PLPP4: variants seen among roughly 807,000 people sequenced by gnomAD.
PLPP4 encodes diacylglycerol pyrophosphate like 2.
A neutral mutation model predicts 32.2 loss-of-function variants in PLPP4; 20 were observed. That is an observed-to-expected ratio of 0.62 (90% CI 0.44 to 0.90). PLPP4 has a LOEUF of 0.90. Among genes scored for constraint, PLPP4 ranks in the 40% least tolerant of loss-of-function variants. PLPP4 has a pLI of 0.00. For missense variants in PLPP4, 257 were observed against 353.1 expected (o/e 0.73, Z 2.18); for synonymous variants, 127 against 133.0 (o/e 0.95, Z 0.31).
chr10:120,500,421 C>T (rs1845187492), intron 1 of PLPP4, among the ~76,000 whole-genome samples: 1 of 152,154 alleles, frequency 6.6e-6, no homozygotes, highest in Admixed American at 6.5e-5. Flanking sequence ...CCATATCCCT[C>T]ATCCACCTGC....
intron 5 of PLPP4, among the ~76,000 whole-genome samples, chr10:120,549,168 C>A (rs1847770520): frequency 1.3e-5 from 2 of 150,008 alleles, no homozygotes; most frequent in South Asian, 2.1e-4. Flanking sequence ...AATAGAGAAC[C>A]CACACAAATT....
At chr10:120,462,580 C>G (rs1395184341) in intron 1 of PLPP4, among the ~76,000 whole-genome samples, 1 of 152,226 alleles carries the variant, frequency 6.6e-6, no homozygotes, top group Non-Finnish European at 1.5e-5. Flanking sequence ...CAAGCATGGT[C>G]GGTGCCTCCT....
intron 5 of PLPP4, among the ~76,000 whole-genome samples, chr10:120,563,260 A>G (rs1848517912): frequency 6.6e-6 from 1 of 152,210 alleles, no homozygotes; most frequent in African/African-American, 2.4e-5. Context: ...CCAAACAAAC[A>G]AACAAACAAA....
At position 120,590,306 on chromosome 10, in the gene PLPP4, A is replaced by T. The variant is rs1004438234; in HGVS notation, c.*804A>T. Among the ~76,000 whole-genome samples the T allele has an allele frequency of 1.3e-5, 2 of 152,166 alleles. No homozygotes were observed. The highest frequency in any genetic ancestry group is 2.9e-5 in the Non-Finnish European group (2 of 68,036). On this transcript the variant is annotated 3_prime_UTR_variant, in exon 7 of 7. Coordinates refer to ENST00000398250, the MANE Select transcript of PLPP4 (RefSeq NM_001030059.3). ...TTACTTGGCTCTTCTGCAAGAAGTG[A>T]TGTGACCGATCTCACAGATCAGAAA...
At chr10:120,476,401 G>T (rs1185180388) in intron 1 of PLPP4, among the ~76,000 whole-genome samples, 1 of 152,202 alleles carries the variant, frequency 6.6e-6, no homozygotes, top group Non-Finnish European at 1.5e-5. Flanking sequence ...CCACCATGAT[G>T]TAGATGCTGT....
intron 5 of PLPP4, among the ~76,000 whole-genome samples, chr10:120,560,158 T>C (rs1207777829): frequency 6.6e-6 from 1 of 152,146 alleles, no homozygotes; most frequent in Non-Finnish European, 1.5e-5. Context: ...AATAACACCA[T>C]GGGACTTATG....
At chr10:120,536,427 C>T (rs1382755744) in intron 5 of PLPP4, among the ~76,000 whole-genome samples, 2 of 152,006 alleles carry the variant, frequency 1.3e-5, no homozygotes, top group Non-Finnish European at 1.5e-5. Flanking sequence ...TCCAACAACA[C>T]ACCAGAGGGA....
At position 120,467,758 on chromosome 10, in the gene PLPP4, T is replaced by C. The variant is rs1462806296; in HGVS notation, c.56+10397T>C. Among the ~76,000 whole-genome samples the C allele has an allele frequency of 3.1e-5, 2 of 65,078 alleles. 1 individual carries two copies. Among genetic ancestry groups the C allele is most frequent in the Non-Finnish European group, 9.0e-5 (2 of 22,336 alleles). 42.7% of individuals were successfully genotyped at this position (65,078 alleles called of 152,430 possible). ...TTTTATGTTAACTTTTATTTTAAGT[T>C]CAGGGGTACATATGCAGGTTTGTTA... On this transcript the variant is annotated intron_variant, in intron 1 of 6. Transcript: ENST00000398250.
chr10:120,589,568 T>A lies in PLPP4; in HGVS notation c.*66T>A, dbSNP rs1010629790. ...CTGCCACCCTGACATCATAACACAA[T>A]AGAAATGGTTTTCTGTAGTGTATTT... is the stretch of plus-strand genomic sequence containing the variant. On this transcript the variant is annotated 3_prime_UTR_variant, in exon 7 of 7. Coordinates refer to ENST00000398250, the MANE Select transcript of PLPP4 (RefSeq NM_001030059.3). The A allele has an allele frequency of 8.0e-7, 1 of 1,254,366 alleles. No individual in the cohort carries two copies. The highest frequency in any genetic ancestry group is 1.1e-6 in the Non-Finnish European group (1 of 887,020). 77.7% of individuals were successfully genotyped at this position (1,254,366 alleles called of 1,614,324 possible). A position where few individuals can be genotyped will look rare whatever the true frequency, so the allele number is the denominator to read the frequency against.
chr10:120,532,157 C>T (rs1356956006), intron 5 of PLPP4, among the ~76,000 whole-genome samples: 5 of 152,104 alleles, frequency 3.3e-5, no homozygotes, highest in South Asian at 2.1e-4. Context: ...TGGGAACATG[C>T]GGTGTTTGGT....
chr10:120,578,264 A>T (rs1003025320), intron 6 of PLPP4, among the ~76,000 whole-genome samples: 11 of 152,228 alleles, frequency 7.2e-5, no homozygotes, highest in African/African-American at 2.7e-4. Context: ...GGGAGGAGGG[A>T]TGCAGAGTGA....
intron 2 of PLPP4, among the ~76,000 whole-genome samples, chr10:120,507,360 T>TCA (rs1395000543): frequency 0.064 from 2,089 of 32,874 alleles, 27 homozygotes; most frequent in South Asian, 0.28. Context: ...ATCATCATCA[T>TCA]TATCATCATC....
In PLPP4 at chr10:120,533,301, G is replaced by A. The variant is rs1018202986; in HGVS notation, c.445+12206G>A. Among the ~76,000 whole-genome samples, 42 of 152,086 alleles carry A rather than the reference G, an allele frequency of 2.8e-4. 1 individual carries two copies. Among genetic ancestry groups the A allele is most frequent in the Admixed American group, 1.2e-3 (18 of 15,278 alleles). ...ATACCTTTTCATTTGCTTATTGGCC[G>A]TTTGTATATCTTATCTGCAAAATTT... On this transcript the variant is annotated intron_variant, in intron 5 of 6. Coordinates refer to ENST00000398250, the MANE Select transcript of PLPP4 (RefSeq NM_001030059.3).
chr10:120,570,636 A>G (rs1245025151), intron 5 of PLPP4, among the ~76,000 whole-genome samples: 1 of 152,168 alleles, frequency 6.6e-6, no homozygotes. Context: ...TTAAGAGTCA[A>G]CTGGGGATGA....
intron 5 of PLPP4, among the ~76,000 whole-genome samples, chr10:120,537,802 A>G (rs1173959260): frequency 2.0e-5 from 3 of 152,014 alleles, no homozygotes; most frequent in Non-Finnish European, 4.4e-5. Context: ...TGCTTTGAAT[A>G]TATACAATTA....
chr10:120,585,347 G>A (rs1199362569), intron 6 of PLPP4, among the ~76,000 whole-genome samples: 4 of 152,126 alleles, frequency 2.6e-5, no homozygotes, highest in Non-Finnish European at 5.9e-5. Context: ...TGACAAACGT[G>A]TTTTTAAGTT....
intron 5 of PLPP4, among the ~76,000 whole-genome samples, chr10:120,549,723 A>T (rs1847800959): frequency 6.6e-6 from 1 of 151,704 alleles, no homozygotes; most frequent in Non-Finnish European, 1.5e-5. Flanking sequence ...GCAAGTAAGC[A>T]CATTAACAAA....
chr10:120,538,438 A>G (rs1406934043), intron 5 of PLPP4, among the ~76,000 whole-genome samples: 2 of 152,044 alleles, frequency 1.3e-5, no homozygotes, highest in Non-Finnish European at 2.9e-5. Flanking sequence ...AATTAGTGCT[A>G]AATAGCACCT....
intron 1 of PLPP4, among the ~76,000 whole-genome samples, chr10:120,476,401 G>A (rs1185180388): frequency 6.6e-6 from 1 of 152,202 alleles, no homozygotes; most frequent in African/African-American, 2.4e-5. Flanking sequence ...CCACCATGAT[G>A]TAGATGCTGT....
Sources: allele counts gnomAD v4.1 joint callset (sites outside exome capture counted in the v4.1 genomes callset), GRCh38; gene constraint gnomAD v4.1.1; transcripts MANE v1.5; gene names NCBI Gene and HGNC (gene_info 2026-07-23, HGNC 2026-07-21).